The following HIVEP2 variants were observed in gnomAD, a reference collection of about 807,000 sequenced individuals.
HIVEP2 encodes HIVEP zinc finger 2.
HIVEP2 carries 14 observed loss-of-function variants against 180.7 expected under a neutral mutation model. That is an observed-to-expected ratio of 0.08 (90% confidence interval 0.05 to 0.12). The LOEUF (loss-of-function observed/expected upper bound fraction) is 0.12. HIVEP2 is among the 10% of genes least tolerant of loss of function. The pLI is 1.00. For missense variants in HIVEP2, 2,579 were observed against 3,008.5 expected, an observed-to-expected ratio of 0.86 and a Z score of 3.34; for synonymous variants, 1,184 against 1,136.4, an observed-to-expected ratio of 1.04 and a Z score of -0.84.
intron 2 of HIVEP2, among the ~76,000 whole-genome samples, chr6:142,796,512 C>CTGTAG (rs1776282388): frequency 6.6e-6 from 1 of 152,056 alleles, no homozygotes; most frequent in Non-Finnish European, 1.5e-5. Context: ...AATAAATTTA[C>CTGTAG]TGTACTGTAC....
chr6:142,834,586 T>C (rs1425820129), intron 2 of HIVEP2, among the ~76,000 whole-genome samples: 1 of 152,078 alleles, frequency 6.6e-6, no homozygotes. Flanking sequence ...TTAAAATGAA[T>C]AATGTCAAGA....
At chr6:142,813,599 T>C (rs1157777199) in intron 2 of HIVEP2, among the ~76,000 whole-genome samples, 2 of 146,640 alleles carry the variant, frequency 1.4e-5, no homozygotes, top group Non-Finnish European at 3.0e-5. Context: ...TTTTGAGACA[T>C]GATCTTGCTC....
At chr6:142,881,005 C>T (rs1422808124) in intron 1 of HIVEP2, among the ~76,000 whole-genome samples, 1 of 152,080 alleles carries the variant, frequency 6.6e-6, no homozygotes, top group African/African-American at 2.4e-5. Flanking sequence ...TTTCCCCATA[C>T]TAGACTCAAG....
intron 7 of HIVEP2, among the ~76,000 whole-genome samples, chr6:142,764,395 A>C (rs779557093): frequency 9.2e-5 from 14 of 152,226 alleles, no homozygotes; most frequent in Non-Finnish European, 1.6e-4. Flanking sequence ...TACATTATTT[A>C]TAATCTTGAA....
chr6:142,896,133 G>A (rs567899144), intron 1 of HIVEP2, among the ~76,000 whole-genome samples: 1 of 152,206 alleles, frequency 6.6e-6, no homozygotes, highest in Admixed American at 6.5e-5. Flanking sequence ...AACCTGACAG[G>A]AAGTTCAGAT....
At chr6:142,892,462 C>A (rs1166092466) in intron 1 of HIVEP2, among the ~76,000 whole-genome samples, 1 of 152,108 alleles carries the variant, frequency 6.6e-6, no homozygotes, top group Non-Finnish European at 1.5e-5. Flanking sequence ...CTGGCAGTAA[C>A]CTGAGCTGCT....
intron 1 of HIVEP2, among the ~76,000 whole-genome samples, chr6:142,894,938 T>C (rs544909326): frequency 2.0e-4 from 31 of 152,310 alleles, no homozygotes; most frequent in Admixed American, 6.5e-4. Context: ...GAAAATCATC[T>C]TGGAAATTGA....
intron 1 of HIVEP2, among the ~76,000 whole-genome samples, chr6:142,918,198 T>G (rs1777606962): frequency 6.6e-6 from 1 of 152,018 alleles, no homozygotes; most frequent in Admixed American, 6.6e-5. Context: ...TTTTCCCTAT[T>G]TATTTTATTT....
intron 1 of HIVEP2, among the ~76,000 whole-genome samples, chr6:142,936,256 G>T (rs1411236657): frequency 6.6e-6 from 1 of 151,388 alleles, no homozygotes; most frequent in Admixed American, 6.6e-5. Context: ...GCGGTGGGGC[G>T]ATCTCGGCTC....
intron 1 of HIVEP2, among the ~76,000 whole-genome samples, chr6:142,860,183 T>C (rs1157575491): frequency 6.6e-6 from 1 of 152,220 alleles, no homozygotes; most frequent in Non-Finnish European, 1.5e-5. Context: ...TGTACATGTA[T>C]TGACTTCATA....
intron 2 of HIVEP2, chr6:142,788,490 C>T (rs935924406): frequency 2.0e-5 from 3 of 152,182 alleles, no homozygotes; most frequent in African/African-American, 7.2e-5. Context: ...AGGCGGGCAG[C>T]TCACTTGAGG....
At chr6:142,768,274 A>G (rs1484336029) in intron 6 of HIVEP2, 108 bp downstream of exon 6, 13 of 989,936 alleles carry the variant, frequency 1.3e-5, no homozygotes, top group Non-Finnish European at 1.8e-5. Flanking sequence ...AAAGGAATTT[A>G]CTTTCAGCTT....
intron 1 of HIVEP2, among the ~76,000 whole-genome samples, chr6:142,845,462 A>C (rs2114908135): frequency 6.6e-6 from 1 of 152,232 alleles, no homozygotes; most frequent in African/African-American, 2.4e-5. Flanking sequence ...TCTTTTGACT[A>C]ATTATTAGGC....
In HIVEP2 at chr6:142,774,921, G is replaced by A; in HGVS notation, c.-183C>T. 1.4e-6 allele frequency: 2 copies of A among 1,455,492 alleles called. No individual in the cohort carries two copies. The highest frequency in any genetic ancestry group is 9.0e-7 in the Non-Finnish European group (1 of 1,110,788). The allele number at this position is 1,455,492 out of a possible 1,614,324, so 90.2% of individuals were successfully genotyped here. On this transcript the variant is annotated 5_prime_UTR_variant, in exon 5 of 10. Transcript: ENST00000367603. The surrounding 1 kb of genome is among the most constrained non-coding windows in gnomAD (Gnocchi z 5.1). ...CACCACAGTCGATGGGCATTAGCTAGTAATGTCCTTGGACCAGGGCTATAA... is the reference window on the plus strand; with the variant it reads ...CACCACAGTCGATGGGCATTAGCTAATAATGTCCTTGGACCAGGGCTATAA...
intron 1 of HIVEP2, among the ~76,000 whole-genome samples, chr6:142,891,990 T>A (rs12201410): frequency 6.6e-6 from 1 of 151,968 alleles, no homozygotes; most frequent in Non-Finnish European, 1.5e-5. Flanking sequence ...AGTAAAAACA[T>A]TCCCTAGAAG....
chr6:142,884,772 T>C (rs924280259), intron 1 of HIVEP2, among the ~76,000 whole-genome samples: 10 of 152,072 alleles, frequency 6.6e-5, no homozygotes, highest in Non-Finnish European at 1.5e-5. Context: ...AGTGACTAAA[T>C]CTCACTACAT....
rs1361306863 is a variant in HIVEP2, at chr6:142,772,099, T to C, written c.2640A>G (p.Leu880=). 1 of 1,614,098 alleles carries C rather than the reference T, an allele frequency of 6.2e-7. No homozygotes were observed. The highest frequency in any genetic ancestry group is 1.1e-5 in the South Asian group (1 of 91,090). ...GAACCTGGATGTTGTGTTGCCGAAC[T>C]AGCCTGGGCTGTGTGTGATAGGACT... ...QQQSYHTQPR[L]VRQHNIQVPE... Residue 880 remains leucine, a synonymous_variant, in exon 5 of 10, where the codon CTA becomes CTG. Transcript: ENST00000367603. This position sits in a 1 kb window ranked among gnomAD's most constrained non-coding sequence, Gnocchi z 4.9.
chr6:142,861,307 T>C (rs1422375160), intron 1 of HIVEP2, among the ~76,000 whole-genome samples: 1 of 152,250 alleles, frequency 6.6e-6, no homozygotes, highest in African/African-American at 2.4e-5. Flanking sequence ...GTATGATTCA[T>C]ACATAAAATG....
At chr6:142,892,268 A>G (rs1298762065) in intron 1 of HIVEP2, among the ~76,000 whole-genome samples, 1 of 152,186 alleles carries the variant, frequency 6.6e-6, no homozygotes, top group Non-Finnish European at 1.5e-5. Context: ...CCAACTAAGA[A>G]CATTTCCACC....
Sources: allele counts gnomAD v4.1 joint callset (sites outside exome capture counted in the v4.1 genomes callset), GRCh38; gene constraint gnomAD v4.1.1; non-coding constraint Gnocchi (gnomAD v3.1); transcripts MANE v1.5; gene names NCBI Gene and HGNC (gene_info 2026-07-23, HGNC 2026-07-21).